SBF1: variants seen among roughly 807,000 people sequenced by gnomAD.
The protein encoded by SBF1 is SET binding factor 1.
SBF1 carries 65 observed loss-of-function variants against 215.8 expected under a neutral mutation model. The ratio of observed to expected loss-of-function variants is 0.30; its 90% CI spans 0.25 to 0.37. The LOEUF is 0.37. Ranked by LOEUF, SBF1 falls within the 10% of genes least tolerant of loss-of-function variation. SBF1 has a pLI of 1.00. For synonymous variants in SBF1, 1,410 were observed against 1,122.8 expected (o/e 1.26, Z -5.11); for missense variants, 2,634 against 2,667.8 (o/e 0.99, Z 0.28).
chr22:50,448,521 G>C, intron 37 of SBF1, 22 bp downstream of exon 37: 1 of 1,609,686 alleles, frequency 6.2e-7, no homozygotes, highest in South Asian at 1.1e-5. Context: ...CACCGTGGAC[G>C]CTCACACTGG....
intron 20 of SBF1, 22 bp downstream of exon 20, chr22:50,461,925 T>A (rs760443354): frequency 6.2e-7 from 1 of 1,613,880 alleles, no homozygotes; most frequent in South Asian, 1.1e-5. Context: ...CAAGGGGGAA[T>A]CACCAGCCCA....
At position 50,455,089 on chromosome 22, in the gene SBF1, G is replaced by A. The variant is rs1480503878; in HGVS notation, c.4608C>T (p.Phe1536=). 6.2e-7 allele frequency: 1 copy of A among 1,614,090 alleles called. No homozygotes were observed. Among genetic ancestry groups the A allele is most frequent in the Admixed American group, 1.7e-5 (1 of 60,028 alleles). The change falls in exon 34 of 41, where the codon TTC becomes TTT. Residue 1536 remains phenylalanine, a synonymous_variant. Coordinates refer to ENST00000380817, the MANE Select transcript of SBF1 (RefSeq NM_002972.4). ...GGCGGGACACATGGTGGTAGCCGAG[G>A]AACTTGAGGTAGAACTGGCTGAACT... ...EFEFSQFYLK[F]LGYHHVSRRF... is the part of the protein sequence containing the mutation.
At chr22:50,473,511 G>A (rs935684529) in intron 1 of SBF1, among the ~76,000 whole-genome samples, 5 of 152,200 alleles carry the variant, frequency 3.3e-5, no homozygotes, top group African/African-American at 4.8e-5. Flanking sequence ...GACTGACGGT[G>A]CCATAAGACA....
At chr22:50,470,083 C>T (rs1421432573) in intron 1 of SBF1, among the ~76,000 whole-genome samples, 4 of 151,852 alleles carry the variant, frequency 2.6e-5, no homozygotes, top group Non-Finnish European at 5.9e-5. Context: ...CTCCACACCC[C>T]CAAGGACAGC....
chr22:50,455,677 G>A, intron 31 of SBF1, 95 bp from the exon 32 acceptor site: 2 of 1,033,880 alleles, frequency 1.9e-6, no homozygotes, highest in East Asian at 2.6e-5. Context: ...CAGGCAGCGG[G>A]GAGGCAGGCC....
rs757983848 is a variant in SBF1 at position 50,446,823 on chromosome 22, T to TTA, written c.*317_*318dup. 3 of 675,766 alleles carry TTA rather than the reference T, an allele frequency of 4.4e-6. No homozygotes were observed. In the Admixed American group the frequency reaches 5.4e-5, roughly 12 times the overall value. The allele number at this position is 675,766 out of a possible 1,614,324, so 41.9% of individuals were successfully genotyped here. On this transcript the variant is annotated 3_prime_UTR_variant, in exon 41 of 41. Transcript: ENST00000380817. ...CAGGAGCGTGGCGTTAGTTCTCTCT[T>TTA]TATATAGACTCTGGTTCTAGAAACT...
At position 50,447,033 on chromosome 22, in the gene SBF1, G is replaced by T; in HGVS notation, c.*109C>A. ...TACACACAAGTGCTGGGGGCTCGGGGCCTCAATACTGTCGAGGGCCGGGGC... is the reference window on the plus strand; with the variant it reads ...TACACACAAGTGCTGGGGGCTCGGGTCCTCAATACTGTCGAGGGCCGGGGC... On this transcript the variant is annotated 3_prime_UTR_variant, in exon 41 of 41. Transcript: ENST00000380817. The T allele has an allele frequency of 3.1e-6, 3 of 955,674 alleles. No homozygotes were observed. Among genetic ancestry groups the T allele is most frequent in the Non-Finnish European group, 4.8e-6 (3 of 619,640 alleles). 59.2% of individuals were successfully genotyped at this position (955,674 alleles called of 1,614,324 possible). A position where few individuals can be genotyped will look rare whatever the true frequency, so the allele number is the denominator to read the frequency against.
rs1167030545 is a variant in SBF1 at position 50,449,619 on chromosome 22, CACACAA to C, written c.5044-975_5044-970del. ...GGCAAAGTGAGATTCTGTCTCAAAA[CACACAA>C]ACACACACACACACACACACACACA... On this transcript the variant is annotated intron_variant, in intron 36 of 40. Transcript: ENST00000380817. Among the ~76,000 whole-genome samples, 59 of 93,470 alleles carry C rather than the reference CACACAA, an allele frequency of 6.3e-4. 1 individual carries two copies. The highest frequency in any genetic ancestry group is 2.3e-3 in the Admixed American group (21 of 9,082). The allele number at this position is 93,470 out of a possible 152,430, so 61.3% of individuals were successfully genotyped here.
In SBF1 at chr22:50,461,256, G is replaced by A; in HGVS notation, c.2870C>T (p.Pro957Leu). 4 of 1,612,974 alleles carry A rather than the reference G, an allele frequency of 2.5e-6. No individual in the cohort carries two copies. The highest frequency in any genetic ancestry group is 1.7e-4 in the Middle Eastern group (1 of 5,976). ...VGEQVVVRSF[P>L]VAALTKEKRI... Reference sequence around the variant, plus strand: ...CTTCTCCTTGGTCAGCGCAGCCACCGGGAAGGAGCGGACCACCACCTGCTC... The same window carrying A: ...CTTCTCCTTGGTCAGCGCAGCCACCAGGAAGGAGCGGACCACCACCTGCTC... Residue 957 changes from proline (P) to leucine (L), a missense_variant, in exon 23 of 41, where the codon CCG becomes CTG. Pro to Leu is a moderately conservative substitution (Grantham distance 98). Coordinates refer to ENST00000380817, the MANE Select transcript of SBF1 (RefSeq NM_002972.4).
At position 50,462,426 on chromosome 22, in the gene SBF1, G is replaced by A. The variant is rs73441480; in HGVS notation, c.2175C>T (p.Asp725=). ...ACAAGCGCCGCTGCTCAGAAGCCAC[G>A]TCTAGGGCAGAGCGCTCGTCCTCCT... is the stretch of plus-strand genomic sequence containing the variant. ...PSQEDERSAL[D]VASEQRRLWP... The change falls in exon 19 of 41, where the codon GAC becomes GAT. Residue 725 remains aspartate (D), a synonymous_variant. Transcript: ENST00000380817. 5.8e-3 allele frequency: 9,396 copies of A among 1,613,966 alleles called. 478 individuals are homozygous for A. The African/African-American group carries it at 0.11, about 19-fold the overall frequency.
chr22:50,449,078 A>G (rs1216238406), intron 36 of SBF1, among the ~76,000 whole-genome samples: 1 of 152,022 alleles, frequency 6.6e-6, no homozygotes, highest in Non-Finnish European at 1.5e-5. Flanking sequence ...GCACGCCTGT[A>G]GGAGAATCGC....
intron 36 of SBF1, among the ~76,000 whole-genome samples, chr22:50,450,185 A>G (rs894976933): frequency 1.8e-4 from 28 of 152,342 alleles, no homozygotes; most frequent in African/African-American, 6.0e-4. Flanking sequence ...CCATGTGCAA[A>G]GCAAGATGTC....
Position 50,460,663 on chromosome 22 carries a change from A to T in SBF1, c.3017T>A (p.Leu1006His). The T allele has an allele frequency of 6.2e-7, 1 of 1,613,946 alleles. No homozygotes were observed. The highest frequency in any genetic ancestry group is 8.5e-7 in the Non-Finnish European group (1 of 1,180,022). Residue 1006 changes from leucine to histidine, a missense_variant, in exon 24 of 41, where the codon CTC becomes CAC. Leu to His is a moderately conservative substitution (Grantham distance 99, BLOSUM62 -3). Transcript: ENST00000380817. Reference sequence around the variant, plus strand: ...CAGCTTATGCAGCTGCTTACGGAAGAGCTCGGCGCTGTCAGACCCCACCTC... The same window carrying T: ...CAGCTTATGCAGCTGCTTACGGAAGTGCTCGGCGCTGTCAGACCCCACCTC... Reference protein sequence around the residue: ...DEEVGSDSAELFRKQLHKLRY... With the variant: ...DEEVGSDSAEHFRKQLHKLRY...
chr22:50,447,866 C>T (rs910107724), intron 38 of SBF1, among the ~76,000 whole-genome samples: 1 of 152,216 alleles, frequency 6.6e-6, no homozygotes, highest in Non-Finnish European at 1.5e-5. Context: ...CAGGGAGCAT[C>T]CCCACACCAG....
In SBF1 at chr22:50,450,776, T is replaced by C. The variant is rs183598814; in HGVS notation, c.5044-2126A>G. 3.9e-5 allele frequency among the ~76,000 whole-genome samples: 6 copies of C among 152,042 alleles called. No homozygotes were observed. In the East Asian group the frequency reaches 1.2e-3, roughly 30 times the overall value. On this transcript the variant is annotated intron_variant, in intron 36 of 40. Coordinates refer to ENST00000380817, the MANE Select transcript of SBF1 (RefSeq NM_002972.4). Reference sequence around the variant, plus strand: ...CAAGCTGACGCACAAGCTCATTACCTACCTGCGAGAATAAAACCCAAGACT... The same window carrying C: ...CAAGCTGACGCACAAGCTCATTACCCACCTGCGAGAATAAAACCCAAGACT...
chr22:50,468,827 C>T (rs536063467), intron 1 of SBF1, among the ~76,000 whole-genome samples: 18 of 152,190 alleles, frequency 1.2e-4, no homozygotes, highest in South Asian at 1.0e-3. Flanking sequence ...CTTAGGCTCT[C>T]GGCCCCCCAA....
chr22:50,468,860 CCT>C (rs1706971354), intron 1 of SBF1, among the ~76,000 whole-genome samples: 1 of 152,100 alleles, frequency 6.6e-6, no homozygotes, highest in Non-Finnish European at 1.5e-5. Context: ...CCCAGAGCTC[CCT>C]GTCACCCACC....
chr22:50,448,998 G>C (rs1416415884), intron 36 of SBF1, among the ~76,000 whole-genome samples: 1 of 151,818 alleles, frequency 6.6e-6, no homozygotes, highest in Non-Finnish European at 1.5e-5. Flanking sequence ...AGGAGTTTGA[G>C]ACCAGCCTGA....
chr22:50,465,365 T>G (rs982698155), intron 10 of SBF1, 37 bp from the exon 11 acceptor site: 2 of 1,525,518 alleles, frequency 1.3e-6, no homozygotes, highest in Non-Finnish European at 8.9e-7. Flanking sequence ...GAGCCAGTCC[T>G]GCCAATCCCC....
Sources: allele counts gnomAD v4.1 joint callset (sites outside exome capture counted in the v4.1 genomes callset), GRCh38; gene constraint gnomAD v4.1.1; transcripts MANE v1.5; gene names NCBI Gene and HGNC (gene_info 2026-07-23, HGNC 2026-07-21).